ATP6V1C1: variants seen among roughly 807,000 people sequenced by gnomAD.
ATP6V1C1 encodes the protein ATPase H+ transporting V1 subunit C1.
Under a neutral mutation model 53.9 loss-of-function variants are expected in ATP6V1C1, and 45 were observed. The ratio of observed to expected loss-of-function variants is 0.83; its 90% CI spans 0.66 to 1.07. ATP6V1C1 has a LOEUF of 1.07. ATP6V1C1 is among the 50% of genes least tolerant of loss of function. ATP6V1C1 has a pLI of 0.00. For synonymous variants in ATP6V1C1, 153 were observed against 155.2 expected (o/e 0.99, Z 0.11); for missense variants, 315 against 440.3 (o/e 0.72, Z 2.55).
At position 103,063,171 on chromosome 8, in the gene ATP6V1C1, G is replaced by A; in HGVS notation, c.771G>A (p.Glu257=). 2 of 1,612,856 alleles carry A rather than the reference G, an allele frequency of 1.2e-6. No homozygotes were observed. The highest frequency in any genetic ancestry group is 8.5e-7 in the Non-Finnish European group (1 of 1,179,512). ...GTGACTTCCAGTATAATGAAGAGGA[G>A]ATGAAAGCAGATAAAGAAGAAATGA... ...IVRDFQYNEE[E]MKADKEEMNR... Residue 257 remains glutamate (E), a synonymous_variant, in exon 10 of 13, where the codon GAG becomes GAA. Transcript: ENST00000518738.
rs755847044 is a variant in ATP6V1C1 at position 103,071,975 on chromosome 8, TTAGA to T, written c.*3231_*3234del. On this transcript the variant is annotated 3_prime_UTR_variant, in exon 13 of 13. Transcript: ENST00000518738. ...TCCAGAACATTTCATCTATGATGGG[TTAGA>T]TAATGTGTCTAGTTGTTTGCATGCC... is the stretch of plus-strand genomic sequence containing the variant. 6.6e-6 allele frequency: 1 copy of T among 152,234 alleles called. No individual in the cohort carries two copies. Among genetic ancestry groups the T allele is most frequent in the African/African-American group, 2.4e-5 (1 of 41,458 alleles). 9.4% of individuals were successfully genotyped at this position (152,234 alleles called of 1,614,324 possible).
intron 10 of ATP6V1C1, among the ~76,000 whole-genome samples, chr8:103,063,914 C>T (rs1034798042): frequency 3.9e-5 from 6 of 152,164 alleles, no homozygotes; most frequent in Admixed American, 3.9e-4. Context: ...TAAGCCATAT[C>T]ATCTCAACTA....
intron 3 of ATP6V1C1, among the ~76,000 whole-genome samples, chr8:103,042,827 A>G (rs1306538152): frequency 6.6e-6 from 1 of 152,104 alleles, no homozygotes; most frequent in Non-Finnish European, 1.5e-5. Context: ...TGGTCTGGAC[A>G]TTTCTTGTAA....
intron 1 of ATP6V1C1, among the ~76,000 whole-genome samples, chr8:103,025,039 G>A (rs1225995175): frequency 2.0e-5 from 3 of 151,856 alleles, no homozygotes; most frequent in Admixed American, 6.6e-5. Context: ...TATCTAAAAT[G>A]TGGGGTGTGT....
chr8:103,062,202 ACT>A (rs903807251), intron 8 of ATP6V1C1, among the ~76,000 whole-genome samples: 2 of 108,668 alleles, frequency 1.8e-5, no homozygotes, highest in African/African-American at 7.5e-5. Context: ...ACAGGGACTC[ACT>A]CTGTCACCCA....
intron 3 of ATP6V1C1, among the ~76,000 whole-genome samples, chr8:103,042,628 G>C (rs1174962294): frequency 1.3e-5 from 2 of 152,082 alleles, no homozygotes; most frequent in Non-Finnish European, 2.9e-5. Context: ...TCTTTAATGG[G>C]ATATAGTTTA....
chr8:103,053,782 A>G, intron 6 of ATP6V1C1, 102 bp from the exon 7 acceptor site: 2 of 791,204 alleles, frequency 2.5e-6, no homozygotes, highest in Non-Finnish European at 4.1e-6. Context: ...AATCCCTCTC[A>G]ATGTATATAT....
chr8:103,037,612 TA>T (rs1816921119), intron 1 of ATP6V1C1, among the ~76,000 whole-genome samples: 1 of 152,200 alleles, frequency 6.6e-6, no homozygotes, highest in African/African-American at 2.4e-5. Context: ...ATATCCATTT[TA>T]AAGTTCACTA....
rs6983585 is a variant in ATP6V1C1, at chr8:103,041,231, A to G, written c.132+263A>G. 0.063 allele frequency among the ~76,000 whole-genome samples: 9,599 copies of G among 152,306 alleles called. 1,001 individuals are homozygous for G. Among genetic ancestry groups the G allele is most frequent in the African/African-American group, 0.21 (8,833 of 41,536 alleles). On this transcript the variant is annotated intron_variant, in intron 2 of 12. Transcript: ENST00000518738. ...AATGTTTGATGTGTTACATTCACAAATATGATTTTCAGAAATTAAAACTCT... is the reference window on the plus strand; with the variant it reads ...AATGTTTGATGTGTTACATTCACAAGTATGATTTTCAGAAATTAAAACTCT...
intron 8 of ATP6V1C1, among the ~76,000 whole-genome samples, chr8:103,061,787 C>A (rs1817402375): frequency 6.6e-6 from 1 of 152,192 alleles, no homozygotes; most frequent in African/African-American, 2.4e-5. Flanking sequence ...AAGAGATTCC[C>A]CTCAGTAACA....
intron 1 of ATP6V1C1, among the ~76,000 whole-genome samples, chr8:103,027,157 GATATTT>G (rs1816711322): frequency 6.6e-6 from 1 of 152,200 alleles, no homozygotes; most frequent in Non-Finnish European, 1.5e-5. Flanking sequence ...AAGGCTATGT[GATATTT>G]CACTGATAGC....
intron 8 of ATP6V1C1, among the ~76,000 whole-genome samples, chr8:103,062,164 T>G (rs1279252149): frequency 2.0e-5 from 2 of 99,324 alleles, no homozygotes; most frequent in Non-Finnish European, 4.5e-5. Flanking sequence ...CATCAGGGTT[T>G]TTTTTTTTTT....
At chr8:103,060,267 C>T (rs1817374320) in intron 8 of ATP6V1C1, among the ~76,000 whole-genome samples, 1 of 152,176 alleles carries the variant, frequency 6.6e-6, no homozygotes, top group South Asian at 2.1e-4. Context: ...CCATGCTGAG[C>T]CCCGGTTATA....
At chr8:103,052,149 G>A (rs181411064) in intron 5 of ATP6V1C1, among the ~76,000 whole-genome samples, 1 of 152,004 alleles carries the variant, frequency 6.6e-6, no homozygotes, top group African/African-American at 2.4e-5. Context: ...GAGAGGTGAA[G>A]TGACTTACCC....
intron 11 of ATP6V1C1, 38 bp from the exon 12 acceptor site, chr8:103,066,283 T>C (rs760799548): frequency 6.4e-7 from 1 of 1,573,024 alleles, no homozygotes; most frequent in Non-Finnish European, 8.6e-7. Context: ...TTTACATGTT[T>C]GCTTGTATTG....
chr8:103,064,060 G>C (rs926595876), intron 10 of ATP6V1C1, among the ~76,000 whole-genome samples: 1 of 152,076 alleles, frequency 6.6e-6, no homozygotes, highest in Non-Finnish European at 1.5e-5. Context: ...TAATTGTTTG[G>C]TACATCCAAA....
At position 103,052,775 on chromosome 8, in the gene ATP6V1C1, A is replaced by G. The variant is rs35288992; in HGVS notation, c.426A>G (p.Ala142=). The G allele has an allele frequency of 4.4e-6, 7 of 1,599,478 alleles. No homozygotes were observed. Among genetic ancestry groups the G allele is most frequent in the Admixed American group, 3.5e-5 (2 of 57,828 alleles). Residue 142 remains alanine, a synonymous_variant, in exon 6 of 13, where the codon GCA becomes GCG. Coordinates refer to ENST00000518738, the MANE Select transcript of ATP6V1C1 (RefSeq NM_001695.5). ...ATGACCTGAAATCTCGAGCATCTGC[A>G]TACAATAACCTGAAAGGAAATCTTC... The part of the protein sequence containing the change: ...IDNDLKSRAS[A]YNNLKGNLQN...
In ATP6V1C1 at chr8:103,053,903, A is replaced by T; in HGVS notation, c.493A>T (p.Ser165Cys). ...CCTCAGAGGAAGTTTGCTAACTAGA[A>T]GTCTAGCAGAAATTGTGAAGAAGGA... ...RKNAGSLLTR[S>C]LAEIVKKDDF... The change falls in exon 7 of 13, where the codon AGT (serine) becomes TGT (cysteine). Residue 165 changes from serine (S) to cysteine (C), a missense_variant. Physicochemically the swap from Ser to Cys is moderately radical, Grantham distance 112 (BLOSUM62 -1). Transcript: ENST00000518738. 6.2e-7 allele frequency: 1 copy of T among 1,611,548 alleles called. No individual in the cohort carries two copies.
chr8:103,042,486 A>T (rs984253338), intron 3 of ATP6V1C1, 79 bp downstream of exon 3: 15 of 1,383,078 alleles, frequency 1.1e-5, no homozygotes, highest in Non-Finnish European at 1.4e-5. Flanking sequence ...GTTTATTATC[A>T]CATGTATACT....
Sources: allele counts gnomAD v4.1 joint callset (sites outside exome capture counted in the v4.1 genomes callset), GRCh38; gene constraint gnomAD v4.1.1; transcripts MANE v1.5; gene names NCBI Gene and HGNC (gene_info 2026-07-23, HGNC 2026-07-21).